HECW1: variants seen among roughly 807,000 people sequenced by gnomAD.
HECW1 encodes HECT, C2 and WW domain containing E3 ubiquitin protein ligase 1.
Under a neutral mutation model 182.3 loss-of-function variants are expected in HECW1, and 61 were observed. That is an observed-to-expected ratio of 0.33 (90% CI 0.27 to 0.41). The LOEUF (loss-of-function observed/expected upper bound fraction) is 0.41. Among genes scored for constraint, HECW1 ranks in the 10% least tolerant of loss-of-function variants. The pLI is 1.00. For synonymous variants in HECW1, 859 were observed against 832.6 expected, an observed-to-expected ratio of 1.03 and a Z score of -0.55; for missense variants, 1,739 against 2,108.9, an observed-to-expected ratio of 0.82 and a Z score of 3.44.
intron 2 of HECW1, among the ~76,000 whole-genome samples, chr7:43,155,663 G>A (rs1304160180): frequency 1.3e-5 from 2 of 152,172 alleles, no homozygotes; most frequent in African/African-American, 4.8e-5. Context: ...TCTCTACTCA[G>A]TTTGTATTAC....
rs573293663 is a variant in HECW1 at position 43,474,092 on chromosome 7, G to T, written c.3099+4987G>T. Among the ~76,000 whole-genome samples the T allele has an allele frequency of 2.0e-5, 3 of 152,256 alleles. No individual in the cohort carries two copies. The East Asian group carries it at 5.8e-4, about 29-fold the overall frequency. On this transcript the variant is annotated intron_variant, in intron 16 of 29. Coordinates refer to ENST00000395891, the MANE Select transcript of HECW1 (RefSeq NM_015052.5). ...AAAAGAATAAATATTAATATAGTGT[G>T]AAGACAATAACAGAAAAACCAGTGG... is the stretch of plus-strand genomic sequence containing the variant.
At chr7:43,234,159 T>C (rs1474623418) in intron 2 of HECW1, among the ~76,000 whole-genome samples, 1 of 152,228 alleles carries the variant, frequency 6.6e-6, no homozygotes, top group Non-Finnish European at 1.5e-5. Context: ...TCTACAATTC[T>C]GCCAAATTCT....
chr7:43,494,182 T>A (rs1195740974), intron 19 of HECW1, among the ~76,000 whole-genome samples: 1 of 152,096 alleles, frequency 6.6e-6, no homozygotes, highest in Non-Finnish European at 1.5e-5. Flanking sequence ...GACACCTCTT[T>A]TCCCTGTATT....
In HECW1 at chr7:43,500,753, C is replaced by T. The variant is rs746486905; in HGVS notation, c.3492C>T (p.Ser1164=). Residue 1164 remains serine, a synonymous_variant, in exon 20 of 30, where the codon TCC becomes TCT. Coordinates refer to ENST00000395891, the MANE Select transcript of HECW1 (RefSeq NM_015052.5). ...TEGNHGLEKL[S]CDADLVILLS... ...GTAATCACGGGCTTGAGAAGTTGTC[C>T]TGTGATGCGGATCTGGTCATTTTGC... 23 of 1,613,694 alleles carry T rather than the reference C, an allele frequency of 1.4e-5. 1 individual carries two copies. Among genetic ancestry groups the T allele is most frequent in the Middle Eastern group, 3.3e-4 (2 of 6,080 alleles).
intron 2 of HECW1, among the ~76,000 whole-genome samples, chr7:43,224,713 G>A (rs1797272577): frequency 6.6e-6 from 1 of 152,256 alleles, no homozygotes; most frequent in African/African-American, 2.4e-5. Context: ...TACTCAGTAA[G>A]CTGAAGTGAG....
intron 2 of HECW1, among the ~76,000 whole-genome samples, chr7:43,221,537 GTTTTTT>G (rs71008897): frequency 2.0e-5 from 1 of 50,500 alleles, no homozygotes; most frequent in Admixed American, 3.8e-4. Context: ...GAGGAATTAG[GTTTTTT>G]TTTTTTTTTT....
chr7:43,343,147 G>A lies in HECW1; in HGVS notation c.461-17739G>A, dbSNP rs904630509. On this transcript the variant is annotated intron_variant, in intron 5 of 29. Transcript: ENST00000395891. Reference sequence around the variant, plus strand: ...ATTCATCAACTCTGATTATACTCTGGTTCATAAGATCTCAGTGTTTTTGCA... The same window carrying A: ...ATTCATCAACTCTGATTATACTCTGATTCATAAGATCTCAGTGTTTTTGCA... Among the ~76,000 whole-genome samples, 6 of 151,846 alleles carry A rather than the reference G, an allele frequency of 4.0e-5. No individual in the cohort carries two copies. In the East Asian group the frequency reaches 1.2e-3, roughly 29 times the overall value.
At chr7:43,153,351 G>A (rs1055165347) in intron 2 of HECW1, among the ~76,000 whole-genome samples, 8 of 152,092 alleles carry the variant, frequency 5.3e-5, no homozygotes, top group African/African-American at 1.4e-4. Flanking sequence ...CTTTCCTGTC[G>A]ATGTATATCC....
intron 5 of HECW1, among the ~76,000 whole-genome samples, chr7:43,337,174 TC>T (rs1490192742): frequency 2.0e-5 from 3 of 152,182 alleles, no homozygotes; most frequent in Non-Finnish European, 4.4e-5. Flanking sequence ...TATATGAGTG[TC>T]CCCCTTTCTC....
intron 8 of HECW1, among the ~76,000 whole-genome samples, chr7:43,435,743 A>C (rs1170456641): frequency 6.6e-6 from 1 of 152,232 alleles, no homozygotes; most frequent in African/African-American, 2.4e-5. Context: ...TACAACTTGA[A>C]GCCCCTGAGA....
At chr7:43,334,678 G>C (rs76626240) in intron 5 of HECW1, among the ~76,000 whole-genome samples, 3 of 152,174 alleles carry the variant, frequency 2.0e-5, no homozygotes, top group African/African-American at 7.2e-5. Context: ...AGTCATCCTT[G>C]TTTTATTGTC....
chr7:43,140,789 G>A (rs1459051804), intron 2 of HECW1, among the ~76,000 whole-genome samples: 5 of 152,178 alleles, frequency 3.3e-5, no homozygotes, highest in Non-Finnish European at 7.3e-5. Flanking sequence ...GAGGCTGGAA[G>A]TCTGAGGTCA....
In HECW1 at chr7:43,343,344, T is replaced by A. The variant is rs190519901; in HGVS notation, c.461-17542T>A. Among the ~76,000 whole-genome samples the A allele has an allele frequency of 4.5e-3, 681 of 151,592 alleles. 5 individuals are homozygous for A. The highest frequency in any genetic ancestry group is 6.2e-3 in the Admixed American group (95 of 15,266). ...TGCAGGTTTGTTACATAGGTGTACA[T>A]GTGCCATGATGGTTTGCTGCACCCA... is the stretch of plus-strand genomic sequence containing the variant. On this transcript the variant is annotated intron_variant, in intron 5 of 29. Transcript: ENST00000395891.
At chr7:43,452,854 T>C (rs1193405059) in intron 12 of HECW1, among the ~76,000 whole-genome samples, 2 of 152,064 alleles carry the variant, frequency 1.3e-5, no homozygotes, top group Non-Finnish European at 2.9e-5. Context: ...TCCCTGCAAG[T>C]GTTGGGCAGG....
Position 43,445,544 on chromosome 7 carries a change from T to G in HECW1, c.2372T>G (p.Val791Gly). ...ERSPEGLESP[V>G]AGPSNRREGE... Reference sequence around the variant, plus strand: ...AGCCCGGAAGGTCTGGAATCCCCCGTGGCAGGTCCAAGCAATCGGAGAGAA... The same window carrying G: ...AGCCCGGAAGGTCTGGAATCCCCCGGGGCAGGTCCAAGCAATCGGAGAGAA... Residue 791 changes from valine to glycine, a missense_variant, in exon 11 of 30, where the codon GTG becomes GGG. Physicochemically the swap from Val to Gly is moderately radical, Grantham distance 109. This residue lies in a region of HECW1 where 971 missense variants were observed against 1,029.1 expected (regional missense o/e 0.94). Coordinates refer to ENST00000395891, the MANE Select transcript of HECW1 (RefSeq NM_015052.5). 1 of 1,600,616 alleles carries G rather than the reference T, an allele frequency of 6.2e-7. No individual in the cohort carries two copies. Among genetic ancestry groups the G allele is most frequent in the South Asian group, 1.1e-5 (1 of 90,440 alleles).
intron 24 of HECW1, among the ~76,000 whole-genome samples, chr7:43,536,126 A>G (rs1455116196): frequency 1.3e-5 from 2 of 152,218 alleles, no homozygotes; most frequent in East Asian, 1.9e-4. Flanking sequence ...TTGATCCTCA[A>G]TAGAAAGGAT....
chr7:43,508,548 A>G (rs2079697579), intron 23 of HECW1, among the ~76,000 whole-genome samples: 1 of 152,210 alleles, frequency 6.6e-6, no homozygotes, highest in African/African-American at 2.4e-5. Flanking sequence ...AAGGCGTATC[A>G]AAATGAACTT....
intron 8 of HECW1, among the ~76,000 whole-genome samples, chr7:43,435,745 C>T (rs2076689470): frequency 6.6e-6 from 1 of 152,176 alleles, no homozygotes; most frequent in South Asian, 2.1e-4. Flanking sequence ...CAACTTGAAG[C>T]CCCTGAGACT....
At chr7:43,287,879 A>G (rs1408596678) in intron 3 of HECW1, among the ~76,000 whole-genome samples, 1 of 152,238 alleles carries the variant, frequency 6.6e-6, no homozygotes, top group Non-Finnish European at 1.5e-5. Flanking sequence ...AGAATCATTA[A>G]GGATGCCTCT....
Sources: gnomAD v4.1 joint callset for allele counts (sites outside exome capture counted in the v4.1 genomes callset) on GRCh38, gnomAD v4.1.1 for gene constraint, gnomAD v4.1.1 regional missense constraint, MANE v1.5 for transcripts, NCBI Gene and HGNC (gene_info 2026-07-23, HGNC 2026-07-21) for gene names.